The following PDE1A variants were observed in gnomAD, a reference collection of about 807,000 sequenced individuals.
PDE1A encodes phosphodiesterase 1A.
A neutral mutation model predicts 61.7 loss-of-function variants in PDE1A; 35 were observed. The ratio of observed to expected loss-of-function variants is 0.57; its 90% CI spans 0.43 to 0.75. PDE1A has a LOEUF of 0.75. Among genes scored for constraint, PDE1A ranks in the 30% least tolerant of loss-of-function variants. The pLI is 0.00. For synonymous variants in PDE1A, 232 were observed against 213.2 expected (o/e 1.09, Z -0.77); for missense variants, 597 against 630.6 (o/e 0.95, Z 0.57).
Position 182,201,650 on chromosome 2 carries a change from C to CAA in PDE1A, c.1004+36_1004+37dup, listed in dbSNP as rs56413404. On this transcript the variant is annotated intron_variant, in intron 9 of 13. Coordinates refer to ENST00000351439, the Ensembl canonical transcript of PDE1A. ...CCAAGCCCCTGGAACTTTAACATGA[C>CAA]AAAAAAAAAAAAACAACAAAAAAAA... 245,854 of 1,244,806 alleles carry CAA rather than the reference C, an allele frequency of 0.2. 6,742 individuals carry two copies. Among genetic ancestry groups the CAA allele is most frequent in the East Asian group, 0.29 (11,063 of 37,678 alleles). The allele number at this position is 1,244,806 out of a possible 1,614,324, so 77.1% of individuals were successfully genotyped here.
chr2:182,408,660 A>G (rs1702442103), intron 1 of PDE1A, among the ~76,000 whole-genome samples: 1 of 152,108 alleles, frequency 6.6e-6, no homozygotes, highest in Non-Finnish European at 1.5e-5. Context: ...TGCACCACCA[A>G]CTTAGCTTCT....
chr2:182,324,257 G>T (rs1224890171), intron 1 of PDE1A, among the ~76,000 whole-genome samples: 3 of 151,874 alleles, frequency 2.0e-5, no homozygotes, highest in African/African-American at 7.3e-5. Flanking sequence ...ACAGGGAGGA[G>T]AATCTATTCA....
chr2:182,572,110 T>C, the PDE1A span, among the ~76,000 whole-genome samples: 2 of 152,312 alleles, frequency 1.3e-5, no homozygotes, highest in Middle Eastern at 3.4e-3. Flanking sequence ...GAACTGACAC[T>C]GTGCCTGACA....
intron 1 of PDE1A, among the ~76,000 whole-genome samples, chr2:182,338,786 T>C (rs1698002806): frequency 6.6e-6 from 1 of 152,232 alleles, no homozygotes; most frequent in Admixed American, 6.5e-5. Flanking sequence ...CCTGCCAAAG[T>C]GCTGGGATTA....
At chr2:182,557,926 T>C in the PDE1A span, among the ~76,000 whole-genome samples, 4 of 152,138 alleles carry the variant, frequency 2.6e-5, no homozygotes, top group African/African-American at 9.7e-5. Flanking sequence ...AGTTTTCTAT[T>C]GAAATTTTAA....
downstream of PDE1A, among the ~76,000 whole-genome samples, chr2:182,167,616 G>A (rs1009620791): frequency 3.3e-5 from 5 of 151,974 alleles, no homozygotes; most frequent in South Asian, 2.1e-4. Flanking sequence ...TTCCCTCTTC[G>A]AAGAGAGAGC....
chr2:182,231,569 A>G (rs931771418), intron 4 of PDE1A, among the ~76,000 whole-genome samples: 1 of 125,652 alleles, frequency 8.0e-6, no homozygotes, highest in South Asian at 2.9e-4. Flanking sequence ...TTGAAATTTC[A>G]CCATAAGAGT....
chr2:182,242,028 C>T (rs1690555578), intron 2 of PDE1A: 5 of 1,358,050 alleles, frequency 3.7e-6, no homozygotes, highest in African/African-American at 1.5e-5. Flanking sequence ...TGATCAGATA[C>T]AGTGTAGGTA....
At chr2:182,495,348 C>T (rs1011694514) in intron 2 of PDE1A, among the ~76,000 whole-genome samples, 17 of 152,102 alleles carry the variant, frequency 1.1e-4, no homozygotes, top group African/African-American at 4.1e-4. Flanking sequence ...TGCTAGAGAA[C>T]CCATTTTGCA....
intron 2 of PDE1A, among the ~76,000 whole-genome samples, chr2:182,483,287 A>G (rs1356479161): frequency 6.6e-6 from 1 of 151,940 alleles, no homozygotes; most frequent in Non-Finnish European, 1.5e-5. Flanking sequence ...GACAGAAAAA[A>G]TAAAGGGGTA....
At chr2:182,423,056 C>T (rs1703380447) in intron 1 of PDE1A, among the ~76,000 whole-genome samples, 1 of 152,184 alleles carries the variant, frequency 6.6e-6, no homozygotes. Context: ...CCAAAAGGCA[C>T]TCACCATGCA....
intron 7 of PDE1A, among the ~76,000 whole-genome samples, chr2:182,210,923 T>C (rs1687538359): frequency 6.6e-6 from 1 of 152,060 alleles, no homozygotes. Context: ...GAAATTTATT[T>C]ATCACAGTTC....
intron 10 of PDE1A, among the ~76,000 whole-genome samples, chr2:182,195,868 C>T (rs1277153654): frequency 6.6e-6 from 1 of 152,020 alleles, no homozygotes; most frequent in African/African-American, 2.4e-5. Flanking sequence ...CCACTGCAGT[C>T]CTGCTAATTT....
At chr2:182,616,944 T>C in the PDE1A span, among the ~76,000 whole-genome samples, 3 of 152,326 alleles carry the variant, frequency 2.0e-5, no homozygotes, top group Admixed American at 1.3e-4. Context: ...AGTGATGCCT[T>C]ATGCCAGACT....
At chr2:182,536,532 C>G in the PDE1A span, among the ~76,000 whole-genome samples, 2 of 152,190 alleles carry the variant, frequency 1.3e-5, no homozygotes, top group South Asian at 2.1e-4. Flanking sequence ...ACTATAAAAG[C>G]TTTGCCTTTA....
chr2:182,147,228 A>C (rs1455757749), intron 13 of PDE1A, 76 bp from the exon 14 acceptor site: 4 of 761,710 alleles, frequency 5.3e-6, no homozygotes, highest in Non-Finnish European at 8.5e-6. Context: ...TAGGAGACTG[A>C]AGAACTTTAT....
At chr2:182,650,454 C>A in the PDE1A span, among the ~76,000 whole-genome samples, 1 of 152,126 alleles carries the variant, frequency 6.6e-6, no homozygotes, top group Non-Finnish European at 1.5e-5. Flanking sequence ...AAGGAACATT[C>A]AGTTAGCACC....
intron 2 of PDE1A, among the ~76,000 whole-genome samples, chr2:182,245,168 A>G (rs1444212610): frequency 2.6e-5 from 4 of 152,170 alleles, no homozygotes; most frequent in Admixed American, 2.6e-4. Context: ...GAAAGCCACA[A>G]TCTCAGGCAC....
chr2:182,677,768 G>A, the PDE1A span, among the ~76,000 whole-genome samples: 3 of 152,170 alleles, frequency 2.0e-5, no homozygotes, highest in Non-Finnish European at 2.9e-5. Flanking sequence ...CAAGCAATGG[G>A]AAAAGGACTC....
Sources: gnomAD v4.1 joint callset for allele counts (sites outside exome capture counted in the v4.1 genomes callset) on GRCh38, gnomAD v4.1.1 for gene constraint, MANE v1.5 for transcripts, NCBI Gene and HGNC (gene_info 2026-07-23, HGNC 2026-07-21) for gene names.